Variants in PGBD5 observed in about 807,000 individuals in gnomAD.
PGBD5 encodes piggyBac transposable element derived 5.
Under a neutral mutation model 47.9 loss-of-function variants are expected in PGBD5, and 14 were observed. The observed-to-expected ratio is 0.29, with a 90% confidence interval of 0.19 to 0.46. PGBD5 has a LOEUF of 0.46. Ranked by LOEUF, PGBD5 falls within the 20% of genes least tolerant of loss-of-function variation. The pLI is 1.00. For synonymous variants in PGBD5, 316 were observed against 306.3 expected (o/e 1.03, Z -0.33); for missense variants, 635 against 716.0 (o/e 0.89, Z 1.29).
chr1:230,362,040 T>G (rs890273196), intron 1 of PGBD5, among the ~76,000 whole-genome samples: 4 of 151,646 alleles, frequency 2.6e-5, no homozygotes, highest in Non-Finnish European at 5.9e-5. Context: ...GGAAGGGGAG[T>G]GGGTGGGGCT....
chr1:230,404,629 A>AATATATAT (rs1231804089), intron 1 of PGBD5, among the ~76,000 whole-genome samples: 15 of 108,464 alleles, frequency 1.4e-4, no homozygotes, highest in Admixed American at 3.2e-4. Flanking sequence ...AAAAAAAAAA[A>AATATATAT]ATATATATAT....
intron 1 of PGBD5, among the ~76,000 whole-genome samples, chr1:230,386,062 C>T (rs1043688274): frequency 6.6e-6 from 1 of 152,188 alleles, no homozygotes; most frequent in African/African-American, 2.4e-5. Flanking sequence ...TACAATGGCT[C>T]ATACCTACAG....
At chr1:230,383,718 T>C (rs1299399399) in intron 1 of PGBD5, among the ~76,000 whole-genome samples, 3 of 151,930 alleles carry the variant, frequency 2.0e-5, no homozygotes, top group Non-Finnish European at 2.9e-5. Context: ...TTCCTCAAAG[T>C]TGGAGAGCAG....
intron 1 of PGBD5, among the ~76,000 whole-genome samples, chr1:230,361,249 T>C (rs938461595): frequency 5.9e-5 from 9 of 151,928 alleles, no homozygotes; most frequent in Non-Finnish European, 1.5e-5. Flanking sequence ...ACAGTAACTC[T>C]GAAGGGGAAG....
At chr1:230,387,298 C>T (rs1656663997) in intron 1 of PGBD5, among the ~76,000 whole-genome samples, 1 of 152,210 alleles carries the variant, frequency 6.6e-6, no homozygotes, top group South Asian at 2.1e-4. Flanking sequence ...TCTGACCCAA[C>T]AATAAATTAG....
intron 4 of PGBD5, among the ~76,000 whole-genome samples, chr1:230,333,662 T>G (rs1009000629): frequency 8.5e-5 from 13 of 152,204 alleles, no homozygotes; most frequent in African/African-American, 3.1e-4. Flanking sequence ...CCCATCTCCT[T>G]GGGGAGCTAT....
rs75081927 is a variant in PGBD5, at chr1:230,325,483, C to T, written c.1274-68G>A. 2.0e-5 allele frequency: 22 copies of T among 1,127,854 alleles called. No homozygotes were observed. In the African/African-American group the frequency reaches 2.9e-4, roughly 15 times the overall value. 69.9% of individuals were successfully genotyped at this position (1,127,854 alleles called of 1,614,324 possible). A position where few individuals can be genotyped will look rare whatever the true frequency, so the allele number is the denominator to read the frequency against. On this transcript the variant is annotated intron_variant, in intron 5 of 6. Coordinates refer to ENST00000391860, the MANE Select transcript of PGBD5 (RefSeq NM_001258311.2). ...TCCTAATGCCACTTTATAAATGTGC[C>T]TATCTTCGTCCAGCTTAGCTGCTCC...
At chr1:230,343,716 C>T (rs923052855) in intron 3 of PGBD5, among the ~76,000 whole-genome samples, 2 of 152,174 alleles carry the variant, frequency 1.3e-5, no homozygotes, top group Non-Finnish European at 1.5e-5. Flanking sequence ...TAGTGGTCCT[C>T]ACTTTTAGAG....
chr1:230,402,354 T>C (rs1224221017), intron 1 of PGBD5, among the ~76,000 whole-genome samples: 2 of 152,214 alleles, frequency 1.3e-5, no homozygotes, highest in Non-Finnish European at 2.9e-5. Context: ...CAGGAACGCT[T>C]CTCCAGATAG....
chr1:230,369,080 A>G (rs1443194047), intron 1 of PGBD5, among the ~76,000 whole-genome samples: 4 of 152,260 alleles, frequency 2.6e-5, no homozygotes, highest in African/African-American at 9.6e-5. Context: ...CACAGGCCAG[A>G]CAGAATGAGA....
chr1:230,379,326 C>T (rs1193630359), intron 1 of PGBD5, among the ~76,000 whole-genome samples: 1 of 152,188 alleles, frequency 6.6e-6, no homozygotes, highest in Non-Finnish European at 1.5e-5. Context: ...ACAAGCTCCA[C>T]GTTCAAATTA....
chr1:230,422,774 G>T (rs1387447709), intron 1 of PGBD5, among the ~76,000 whole-genome samples: 1 of 152,150 alleles, frequency 6.6e-6, no homozygotes, highest in Admixed American at 6.5e-5. Flanking sequence ...AGAACAGCCT[G>T]AAGAATGGCG....
At chr1:230,394,155 G>A (rs1462663059) in intron 1 of PGBD5, among the ~76,000 whole-genome samples, 1 of 151,944 alleles carries the variant, frequency 6.6e-6, no homozygotes, top group African/African-American at 2.4e-5. Flanking sequence ...TCCTGGATGG[G>A]GATCATCCCA....
intron 1 of PGBD5, among the ~76,000 whole-genome samples, chr1:230,412,778 T>C (rs1571864842): frequency 6.6e-6 from 1 of 152,036 alleles, no homozygotes; most frequent in Non-Finnish European, 1.5e-5. Context: ...GTCTCAGGGG[T>C]GGAGGTGGAA....
intron 5 of PGBD5, among the ~76,000 whole-genome samples, chr1:230,330,940 T>A (rs1224628801): frequency 1.3e-5 from 2 of 152,216 alleles, no homozygotes; most frequent in Non-Finnish European, 2.9e-5. Context: ...GCTCCTTTGG[T>A]GTCTGCTTTA....
At chr1:230,383,085 T>C (rs1656551867) in intron 1 of PGBD5, among the ~76,000 whole-genome samples, 1 of 152,168 alleles carries the variant, frequency 6.6e-6, no homozygotes, top group African/African-American at 2.4e-5. Context: ...TATGTAAATA[T>C]TTGAGACAAG....
At chr1:230,348,853 G>A (rs2102699844) in intron 3 of PGBD5, among the ~76,000 whole-genome samples, 1 of 152,338 alleles carries the variant, frequency 6.6e-6, no homozygotes, top group East Asian at 1.9e-4. Flanking sequence ...AAACTGAAGG[G>A]TAATTAATTG....
chr1:230,403,401 C>A (rs896922057), intron 1 of PGBD5, among the ~76,000 whole-genome samples: 5 of 152,216 alleles, frequency 3.3e-5, no homozygotes, highest in Non-Finnish European at 5.9e-5. Context: ...CACTTGTCCC[C>A]CTTCTGTCTC....
rs1666999226 is a variant in PGBD5, at chr1:230,319,294, G to A, written c.*4131C>T. ...GTGTGCCTGCCTGTTAGCCACCGCT[G>A]TCATACCTTTCAAACACAGCACCTG... On this transcript the variant is annotated 3_prime_UTR_variant, in exon 7 of 7. Transcript: ENST00000391860. The A allele has an allele frequency of 6.6e-6, 1 of 152,390 alleles. No homozygotes were observed. Among genetic ancestry groups the A allele is most frequent in the Non-Finnish European group, 1.5e-5 (1 of 68,184 alleles). The allele number at this position is 152,390 out of a possible 1,614,324, so 9.4% of individuals were successfully genotyped here.
Sources: gnomAD v4.1 joint callset for allele counts (sites outside exome capture counted in the v4.1 genomes callset) on GRCh38, gnomAD v4.1.1 for gene constraint, MANE v1.5 for transcripts, NCBI Gene and HGNC (gene_info 2026-07-23, HGNC 2026-07-21) for gene names.